ANGPTL5: variants seen among roughly 807,000 people sequenced by gnomAD.
The protein encoded by ANGPTL5 is angiopoietin-related protein 5.
ANGPTL5 carries 34 observed loss-of-function variants against 39.4 expected under a neutral mutation model. The observed-to-expected ratio is 0.86, with a 90% confidence interval of 0.66 to 1.15. The LOEUF (loss-of-function observed/expected upper bound fraction) is 1.15, where lower values mean the gene tolerates loss of function less well. Among genes scored for constraint, ANGPTL5 ranks in the 50% most tolerant of loss-of-function variants. The pLI, the probability that ANGPTL5 is intolerant of heterozygous loss-of-function variation, is 0.00. For synonymous variants in ANGPTL5, 146 were observed against 152.1 expected (o/e 0.96, Z 0.29); for missense variants, 467 against 457.5 (o/e 1.02, Z -0.19).
intron 8 of ANGPTL5, 43 bp downstream of exon 8, chr11:101,894,836 A>G: frequency 6.6e-7 from 1 of 1,508,872 alleles, no homozygotes; most frequent in Non-Finnish European, 9.2e-7. Flanking sequence ...TGAGTCAGTT[A>G]TAATTTAGAT....
chr11:101,892,175 T>C (rs926379427), intron 8 of ANGPTL5, among the ~76,000 whole-genome samples: 5 of 152,182 alleles, frequency 3.3e-5, no homozygotes, highest in South Asian at 2.1e-4. Flanking sequence ...ACCAATTGGA[T>C]AGTAGTTAAG....
intron 8 of ANGPTL5, among the ~76,000 whole-genome samples, chr11:101,893,895 T>G (rs1405290321): frequency 6.6e-6 from 1 of 152,170 alleles, no homozygotes; most frequent in African/African-American, 2.4e-5. Context: ...TCAGCCTTCA[T>G]TTGCTAAAAG....
At chr11:101,899,901 C>T (rs1391821159) in intron 7 of ANGPTL5, among the ~76,000 whole-genome samples, 1 of 152,142 alleles carries the variant, frequency 6.6e-6, no homozygotes, top group African/African-American at 2.4e-5. Flanking sequence ...GTGATGGTGC[C>T]ATGTGGCAAT....
chr11:101,910,428 T>A (rs199551383), intron 1 of ANGPTL5, among the ~76,000 whole-genome samples: 10 of 131,402 alleles, frequency 7.6e-5, no homozygotes, highest in East Asian at 3.4e-4. Context: ...AAAAAAAATA[T>A]ATATATATAT....
At chr11:101,894,035 C>T (rs1221126152) in intron 8 of ANGPTL5, among the ~76,000 whole-genome samples, 1 of 152,174 alleles carries the variant, frequency 6.6e-6, no homozygotes, top group African/African-American at 2.4e-5. Flanking sequence ...CATGTTGAAT[C>T]TAACATTAAC....
At chr11:101,902,764 C>T in intron 5 of ANGPTL5, 43 bp from the exon 6 acceptor site, 2 of 1,261,622 alleles carry the variant, frequency 1.6e-6, no homozygotes, top group East Asian at 2.3e-5. Flanking sequence ...TTCAAATGTA[C>T]ATTTAAGGCA....
intron 3 of ANGPTL5, 42 bp downstream of exon 3, chr11:101,907,061 G>T (rs1264243270): frequency 7.1e-7 from 1 of 1,401,498 alleles, no homozygotes; most frequent in Admixed American, 2.0e-5. Flanking sequence ...TAAAAATAAT[G>T]AATCATATAC....
intron 1 of ANGPTL5, chr11:101,915,128 C>T: frequency 9.7e-6 from 11 of 1,128,288 alleles, no homozygotes; most frequent in East Asian, 2.7e-5. Flanking sequence ...AGTGCCGCTG[C>T]GCGGGAGCTA....
intron 7 of ANGPTL5, among the ~76,000 whole-genome samples, chr11:101,898,956 G>A (rs1939846034): frequency 6.6e-6 from 1 of 152,156 alleles, no homozygotes; most frequent in South Asian, 2.1e-4. Context: ...TTATTGATTT[G>A]CATATGTTGA....
At position 101,891,528 on chromosome 11, in the gene ANGPTL5, A is replaced by G; in HGVS notation, c.918T>C (p.Asp306=). 6.2e-7 allele frequency: 1 copy of G among 1,614,128 alleles called. No individual in the cohort carries two copies. The highest frequency in any genetic ancestry group is 8.5e-7 in the Non-Finnish European group (1 of 1,179,992). ...NAMPFSTSDV[D]NDGCRPACLV... ...GGCATGCAGGGCGACACCCATCATT[A>G]TCAACATCTGATGTGCTAAAAGGCA... Residue 306 remains aspartate (D), a synonymous_variant, in exon 9 of 9, where the codon GAT becomes GAC. Transcript: ENST00000334289.
intron 3 of ANGPTL5, 79 bp from the exon 4 acceptor site, chr11:101,905,926 C>A (rs1415764449): frequency 1.2e-6 from 1 of 820,122 alleles, no homozygotes; most frequent in South Asian, 1.5e-5. Flanking sequence ...TGAATTTTAC[C>A]TGATTTTGGA....
At chr11:101,894,848 T>G in intron 8 of ANGPTL5, 31 bp downstream of exon 8, 1 of 1,551,128 alleles carries the variant, frequency 6.4e-7, no homozygotes, top group South Asian at 1.1e-5. Flanking sequence ...AATTTAGATC[T>G]GGATAATTTT....
chr11:101,894,702 A>G (rs112974568), intron 8 of ANGPTL5, among the ~76,000 whole-genome samples, 177 bp downstream of exon 8: 7 of 152,340 alleles, frequency 4.6e-5, no homozygotes, highest in African/African-American at 1.7e-4. Context: ...ATGAGGTAGT[A>G]CAATGATCAT....
At chr11:101,891,921 T>C (rs954921112) in intron 8 of ANGPTL5, among the ~76,000 whole-genome samples, 2 of 152,182 alleles carry the variant, frequency 1.3e-5, no homozygotes, top group African/African-American at 4.8e-5. Flanking sequence ...GACAGACCAA[T>C]ATGATAATTG....
At chr11:101,905,462 C>A (rs1231115866) in intron 4 of ANGPTL5, among the ~76,000 whole-genome samples, 1 of 152,154 alleles carries the variant, frequency 6.6e-6, no homozygotes, top group Non-Finnish European at 1.5e-5. Flanking sequence ...AACAGACTTT[C>A]TCCTCTGGGA....
intron 1 of ANGPTL5, among the ~76,000 whole-genome samples, chr11:101,908,654 C>T (rs753142275): frequency 9.2e-5 from 14 of 151,934 alleles, no homozygotes; most frequent in Middle Eastern, 3.4e-3. Context: ...GTAGCAGGTG[C>T]CTGTAATCCC....
chr11:101,895,073 A>C lies in ANGPTL5; in HGVS notation c.662-9T>G, dbSNP rs1362014224. On this transcript the variant is annotated splice_polypyrimidine_tract_variant and intron_variant, in intron 7 of 8. Coordinates refer to ENST00000334289, the MANE Select transcript of ANGPTL5 (RefSeq NM_178127.5). ...TCCTAGCCAAAATTCTCCTGTAAAAAAAATGCTTTGTTTTAATATATTTTA... is the reference window on the plus strand; with the variant it reads ...TCCTAGCCAAAATTCTCCTGTAAAACAAATGCTTTGTTTTAATATATTTTA... 5.8e-6 allele frequency: 9 copies of C among 1,546,358 alleles called. No individual in the cohort carries two copies. Among genetic ancestry groups the C allele is most frequent in the African/African-American group, 1.4e-5 (1 of 72,552 alleles).
intron 1 of ANGPTL5, among the ~76,000 whole-genome samples, chr11:101,913,272 T>C (rs914447692): frequency 3.9e-5 from 6 of 152,220 alleles, no homozygotes; most frequent in Non-Finnish European, 8.8e-5. Context: ...CTAATTGTAA[T>C]GCAATTAAAT....
At chr11:101,906,503 G>A (rs1338270523) in intron 3 of ANGPTL5, among the ~76,000 whole-genome samples, 3 of 151,958 alleles carry the variant, frequency 2.0e-5, no homozygotes, top group Admixed American at 6.6e-5. Context: ...ATGATGTACC[G>A]TCATGCTATT....
Sources: gnomAD v4.1 joint callset for allele counts (sites outside exome capture counted in the v4.1 genomes callset) on GRCh38, gnomAD v4.1.1 for gene constraint, MANE v1.5 for transcripts, NCBI Gene and HGNC (gene_info 2026-07-23, HGNC 2026-07-21) for gene names.